IFT74: variants seen among roughly 807,000 people sequenced by gnomAD.
IFT74 encodes the protein intraflagellar transport 74.
IFT74 carries 92 observed loss-of-function variants against 96.7 expected under a neutral mutation model. The observed-to-expected ratio is 0.95, with a 90% confidence interval of 0.80 to 1.13. IFT74 has a LOEUF of 1.13. IFT74 is among the 50% of genes most tolerant of loss of function. The probability of loss-of-function intolerance (pLI) is 0.00; values close to 1 mark genes in which losing one functional copy is unlikely to be tolerated. For synonymous variants in IFT74, 223 were observed against 213.2 expected (o/e 1.05, Z -0.40); for missense variants, 811 against 698.2 (o/e 1.16, Z -1.82).
intron 2 of IFT74, among the ~76,000 whole-genome samples, chr9:26,974,110 T>A (rs1221850008): frequency 2.0e-5 from 3 of 152,182 alleles, no homozygotes; most frequent in Non-Finnish European, 2.9e-5. Flanking sequence ...ATTGGAGGCT[T>A]GGTTCCTTTG....
At chr9:27,062,000 T>G (rs1266796913) in intron 19 of IFT74, among the ~76,000 whole-genome samples, 1 of 152,182 alleles carries the variant, frequency 6.6e-6, no homozygotes, top group African/African-American at 2.4e-5. Flanking sequence ...TTCAAGGATG[T>G]CTCTGCCTGG....
chr9:26,996,383 G>T (rs1477539429), intron 8 of IFT74: 1 of 1,610,118 alleles, frequency 6.2e-7, no homozygotes, highest in South Asian at 1.1e-5. Context: ...TGAATATAAA[G>T]ATCTTCAGTT....
chr9:26,966,238 A>G (rs549800177), intron 2 of IFT74, among the ~76,000 whole-genome samples: 1 of 152,038 alleles, frequency 6.6e-6, no homozygotes, highest in East Asian at 1.9e-4. Flanking sequence ...TAGTTTTTTG[A>G]GGAACTTCCA....
chr9:26,977,996 T>TA (rs1827197880), intron 2 of IFT74, 132 bp from the exon 3 acceptor site: 1 of 693,772 alleles, frequency 1.4e-6, no homozygotes, highest in Middle Eastern at 4.0e-4. Flanking sequence ...TTCAGACATT[T>TA]AAAAAATAAG....
intron 6 of IFT74, among the ~76,000 whole-genome samples, chr9:26,986,489 G>A (rs577751160): frequency 2.0e-5 from 3 of 151,456 alleles, no homozygotes; most frequent in African/African-American, 4.9e-5. Context: ...CTAATTTTTT[G>A]TATTTTTTGT....
chr9:27,008,932 TATTAA>T, intron 8 of IFT74, 83 bp from the exon 9 acceptor site: 2 of 1,002,334 alleles, frequency 2.0e-6, no homozygotes, highest in Non-Finnish European at 1.4e-6. Context: ...TTAAGTATCC[TATTAA>T]ATTAGGACCA....
At chr9:27,014,101 G>A (rs1829234657) in intron 10 of IFT74, among the ~76,000 whole-genome samples, 1 of 152,098 alleles carries the variant, frequency 6.6e-6, no homozygotes, top group Non-Finnish European at 1.5e-5. Context: ...TGTAGTCCCA[G>A]CTGCTCGGGA....
At chr9:27,038,939 A>G (rs193246798) in intron 13 of IFT74, among the ~76,000 whole-genome samples, 11 of 152,264 alleles carry the variant, frequency 7.2e-5, no homozygotes, top group East Asian at 3.9e-4. Context: ...TCCTAGAACA[A>G]TGTTCCCAAC....
intron 13 of IFT74, among the ~76,000 whole-genome samples, chr9:27,041,158 T>A (rs1819460815): frequency 6.6e-6 from 1 of 152,210 alleles, no homozygotes; most frequent in Non-Finnish European, 1.5e-5. Context: ...TTTGTATACT[T>A]GTCTTATTAG....
intron 9 of IFT74, among the ~76,000 whole-genome samples, chr9:27,010,013 G>A (rs945464046): frequency 3.3e-5 from 5 of 149,960 alleles, no homozygotes; most frequent in East Asian, 2.0e-4. Flanking sequence ...TTTTTGAGAC[G>A]GAGTCTCGCT....
chr9:26,979,973 C>T (rs955111302), intron 3 of IFT74, among the ~76,000 whole-genome samples: 6 of 151,982 alleles, frequency 3.9e-5, no homozygotes, highest in African/African-American at 1.4e-4. Flanking sequence ...CCTCAGCCTC[C>T]CAAAGTGCTG....
chr9:27,049,034 C>T (rs1206960782), intron 16 of IFT74, among the ~76,000 whole-genome samples: 6 of 151,988 alleles, frequency 3.9e-5, no homozygotes, highest in African/African-American at 9.7e-5. Context: ...TGTGAGTTCA[C>T]GCAAGATCTG....
intron 13 of IFT74, among the ~76,000 whole-genome samples, chr9:27,043,491 C>G (rs999306226): frequency 2.0e-5 from 3 of 152,218 alleles, no homozygotes; most frequent in Non-Finnish European, 4.4e-5. Flanking sequence ...GTTTTTCTTA[C>G]AGTGAAATCC....
chr9:26,994,839 T>A (rs1828061145), intron 8 of IFT74: 1 of 152,612 alleles, frequency 6.6e-6, no homozygotes, highest in Non-Finnish European at 1.5e-5. Flanking sequence ...TAGATAATTG[T>A]GATGCCCACT....
At chr9:26,990,302 G>A (rs1827808904) in intron 8 of IFT74, 107 bp downstream of exon 8, 1 of 512,006 alleles carries the variant, frequency 2.0e-6, no homozygotes, top group African/African-American at 2.0e-5. Context: ...TTTCCCCATT[G>A]CCTTTTTCAT....
intron 14 of IFT74, 23 bp from the exon 15 acceptor site, chr9:27,047,251 C>T: frequency 1.4e-6 from 2 of 1,441,858 alleles, no homozygotes; most frequent in Middle Eastern, 1.7e-4. Context: ...GCAGTAATCT[C>T]TCTTATGTTT....
intron 16 of IFT74, 22 bp downstream of exon 16, chr9:27,048,296 T>TA (rs1283853283): frequency 5.3e-6 from 8 of 1,516,068 alleles, no homozygotes; most frequent in Non-Finnish European, 7.1e-6. Context: ...ACCTAGATTT[T>TA]AATATTCTTT....
At chr9:27,009,868 A>G (rs2131602574) in intron 9 of IFT74, among the ~76,000 whole-genome samples, 1 of 152,306 alleles carries the variant, frequency 6.6e-6, no homozygotes, top group Admixed American at 6.5e-5. Context: ...TTTATGGGGT[A>G]CATGTGATAT....
chr9:27,045,221 A>G (rs1819651208), intron 14 of IFT74, among the ~76,000 whole-genome samples: 1 of 152,134 alleles, frequency 6.6e-6, no homozygotes, highest in Non-Finnish European at 1.5e-5. Context: ...CCTATCGCGT[A>G]TGAGGGATCT....
Sources: gnomAD v4.1 joint callset for allele counts (sites outside exome capture counted in the v4.1 genomes callset) on GRCh38, gnomAD v4.1.1 for gene constraint, MANE v1.5 for transcripts, NCBI Gene and HGNC (gene_info 2026-07-23, HGNC 2026-07-21) for gene names.